The following NAV2 variants were observed in gnomAD, a reference collection of about 807,000 sequenced individuals.
NAV2 encodes neuron navigator 2.
A neutral mutation model predicts 223.2 loss-of-function variants in NAV2; 54 were observed. That is an observed-to-expected ratio of 0.24 (90% CI 0.19 to 0.30). The LOEUF (loss-of-function observed/expected upper bound fraction) is 0.30. Ranked by LOEUF, NAV2 falls within the 10% of genes least tolerant of loss-of-function variation. The pLI is 1.00. For synonymous variants in NAV2, 1,279 were observed against 1,239.3 expected, an observed-to-expected ratio of 1.03 and a Z score of -0.67; for missense variants, 2,806 against 3,147.5, an observed-to-expected ratio of 0.89 and a Z score of 2.60.
At chr11:19,750,597 G>A (rs1011749529) in intron 1 of NAV2, among the ~76,000 whole-genome samples, 1 of 152,188 alleles carries the variant, frequency 6.6e-6, no homozygotes, top group Non-Finnish European at 1.5e-5. Flanking sequence ...TGCTTCCAGA[G>A]CATTCCCCAA....
chr11:19,363,383 G>C (rs1158562230), intron 1 of NAV2, among the ~76,000 whole-genome samples: 1 of 152,090 alleles, frequency 6.6e-6, no homozygotes, highest in Non-Finnish European at 1.5e-5. Flanking sequence ...GTCTATTATT[G>C]ATAAACATTT....
intron 1 of NAV2, among the ~76,000 whole-genome samples, chr11:19,430,433 C>A (rs1427988590): frequency 6.6e-6 from 1 of 152,190 alleles, no homozygotes; most frequent in Non-Finnish European, 1.5e-5. Context: ...CAGTTCAAAC[C>A]CAGCGACCCT....
At chr11:19,664,053 T>C (rs1278594147) in intron 1 of NAV2, among the ~76,000 whole-genome samples, 4 of 152,222 alleles carry the variant, frequency 2.6e-5, no homozygotes, top group Non-Finnish European at 5.9e-5. Flanking sequence ...TGTTCTGTTA[T>C]GTGAAAGGAA....
At chr11:19,798,823 T>G (rs191306734) in intron 1 of NAV2, among the ~76,000 whole-genome samples, 31 of 152,310 alleles carry the variant, frequency 2.0e-4, no homozygotes, top group Admixed American at 3.9e-4. Flanking sequence ...TTAGCTGACT[T>G]CAAAGCTTGT....
intron 1 of NAV2, among the ~76,000 whole-genome samples, chr11:19,615,047 GC>G (rs2135363900): frequency 6.6e-6 from 1 of 152,126 alleles, no homozygotes; most frequent in Non-Finnish European, 1.5e-5. Context: ...ATGGCTGCCT[GC>G]CCCAAACTGA....
At chr11:19,474,299 A>G (rs1056222414) in intron 1 of NAV2, among the ~76,000 whole-genome samples, 2 of 152,232 alleles carry the variant, frequency 1.3e-5, no homozygotes, top group Non-Finnish European at 2.9e-5. Flanking sequence ...ATGAGACGCT[A>G]AATGAACCAT....
intron 11 of NAV2, among the ~76,000 whole-genome samples, chr11:20,023,697 T>TGGGGGG: frequency 1.1e-5 from 1 of 95,090 alleles, no homozygotes; most frequent in Admixed American, 1.3e-4. Context: ...AGCAAATTGC[T>TGGGGGG]GGGTGTGTGT....
intron 1 of NAV2, among the ~76,000 whole-genome samples, chr11:19,778,659 T>C (rs1420678741): frequency 6.6e-6 from 1 of 152,250 alleles, no homozygotes; most frequent in East Asian, 1.9e-4. Context: ...CTTTTCATAC[T>C]TCTTGTGTTA....
At chr11:19,587,254 C>T (rs2045930829) in intron 1 of NAV2, among the ~76,000 whole-genome samples, 1 of 152,186 alleles carries the variant, frequency 6.6e-6, no homozygotes, top group Non-Finnish European at 1.5e-5. Flanking sequence ...GGGAGTGACC[C>T]AGTTTTCCAG....
intron 11 of NAV2, among the ~76,000 whole-genome samples, chr11:20,010,030 C>T (rs2153507190): frequency 6.6e-6 from 1 of 152,286 alleles, no homozygotes; most frequent in Admixed American, 6.5e-5. Flanking sequence ...AGGGCAAGAA[C>T]CTATCTTGTT....
At chr11:19,986,586 G>A (rs2050817191) in intron 11 of NAV2, among the ~76,000 whole-genome samples, 1 of 152,198 alleles carries the variant, frequency 6.6e-6, no homozygotes, top group South Asian at 2.1e-4. Context: ...TGCCATTGCA[G>A]CCATTGCATT....
intron 1 of NAV2, among the ~76,000 whole-genome samples, chr11:19,578,094 C>T (rs2045618153): frequency 6.6e-6 from 1 of 152,210 alleles, no homozygotes; most frequent in Admixed American, 6.5e-5. Context: ...GTCCCCTCCC[C>T]ACCACCCCTT....
chr11:19,700,404 T>C (rs2049477402), intron 1 of NAV2, among the ~76,000 whole-genome samples: 1 of 152,022 alleles, frequency 6.6e-6, no homozygotes, highest in Non-Finnish European at 1.5e-5. Context: ...TCTTTAATCT[T>C]CCCCCTAAAT....
intron 1 of NAV2, among the ~76,000 whole-genome samples, chr11:19,532,325 G>A (rs1162415778): frequency 6.6e-6 from 1 of 152,176 alleles, no homozygotes; most frequent in Non-Finnish European, 1.5e-5. Flanking sequence ...AGCTCGCCTG[G>A]TTCACTGCTG....
At chr11:19,638,433 A>G (rs970023982) in intron 1 of NAV2, among the ~76,000 whole-genome samples, 1 of 152,224 alleles carries the variant, frequency 6.6e-6, no homozygotes, top group African/African-American at 2.4e-5. Context: ...GTGGATTAAG[A>G]CAGACCTGAG....
chr11:19,562,956 T>C (rs2045150698), intron 1 of NAV2, among the ~76,000 whole-genome samples: 3 of 152,174 alleles, frequency 2.0e-5, no homozygotes, highest in African/African-American at 7.2e-5. Flanking sequence ...CTTCAAAACA[T>C]GGAGTAGGCC....
chr11:19,807,151 G>A (rs957514851), intron 1 of NAV2, among the ~76,000 whole-genome samples: 2 of 152,204 alleles, frequency 1.3e-5, no homozygotes, highest in African/African-American at 4.8e-5. Context: ...AAATGCGTTA[G>A]CAACCCATGG....
At chr11:19,869,114 T>C in intron 4 of NAV2, 117 bp downstream of exon 4, 2 of 1,003,778 alleles carry the variant, frequency 2.0e-6, no homozygotes, top group Admixed American at 2.2e-5. Context: ...CCTCTGGTTT[T>C]GTTTTCCTTT....
At chr11:19,725,540 C>T (rs190713203) in intron 1 of NAV2, among the ~76,000 whole-genome samples, 1 of 152,200 alleles carries the variant, frequency 6.6e-6, no homozygotes, top group Non-Finnish European at 1.5e-5. Flanking sequence ...CTGGAAAGTA[C>T]TCCTAAACTA....
Sources: allele counts gnomAD v4.1 joint callset (sites outside exome capture counted in the v4.1 genomes callset), GRCh38; gene constraint gnomAD v4.1.1; transcripts MANE v1.5; gene names NCBI Gene and HGNC (gene_info 2026-07-23, HGNC 2026-07-21).